Variants in KAZALD1 observed in about 807,000 individuals in gnomAD.
KAZALD1 encodes the protein kazal-type serine protease inhibitor domain-containing protein 1.
In KAZALD1, 31 loss-of-function variants were observed where a neutral mutation model predicts 27.7. That is an observed-to-expected ratio of 1.12 (90% CI 0.84 to 1.51). The LOEUF (loss-of-function observed/expected upper bound fraction) is 1.51, where lower values mean the gene tolerates loss of function less well. Among genes scored for constraint, KAZALD1 ranks in the 40% most tolerant of loss-of-function variants. The probability of loss-of-function intolerance (pLI) is 0.00; values close to 1 mark genes in which losing one functional copy is unlikely to be tolerated. For synonymous variants in KAZALD1, 179 were observed against 182.0 expected (o/e 0.98, Z 0.13); for missense variants, 444 against 408.9 (o/e 1.09, Z -0.74).
chr10:101,064,804 C>G, intron 4 of KAZALD1, 22 bp from the exon 5 acceptor site: 4 of 1,612,136 alleles, frequency 2.5e-6, no homozygotes, highest in Non-Finnish European at 3.4e-6. Flanking sequence ...GTTCTCTCTT[C>G]TTTGCCCATG....
chr10:101,063,050 G>A lies in KAZALD1; in HGVS notation c.458G>A (p.Arg153His). The A allele has an allele frequency of 6.3e-7, 1 of 1,583,632 alleles. No homozygotes were observed. Among genetic ancestry groups the A allele is most frequent in the South Asian group, 1.1e-5 (1 of 89,756 alleles). The change falls in exon 2 of 5, where the codon CGC (arginine) becomes CAC (histidine). Residue 153 changes from arginine (R) to histidine (H), a missense_variant. Coordinates refer to ENST00000370200, the MANE Select transcript of KAZALD1 (RefSeq NM_030929.5). The stretch of plus-strand genomic sequence containing the variant: ...ATCTGCCGCCTGCAGGAGGCGGCCC[G>A]CGCTCGGCCCGATGCCAACCTCACT... The part of the protein sequence containing the change: ...SQICRLQEAA[R>H]ARPDANLTVA...
At position 101,064,327 on chromosome 10, in the gene KAZALD1, G is replaced by A. The variant is rs997154434; in HGVS notation, c.578G>A (p.Cys193Tyr). The change falls in exon 3 of 5, where the codon TGT becomes TAT. Residue 193 changes from cysteine to tyrosine, a missense_variant. Transcript: ENST00000370200. The stretch of plus-strand genomic sequence containing the variant: ...ACAGGGCAGGATGTGATCTTTGGCT[G>A]TGAAGTGTTTGCCTACCCCATGGCC... Reference protein sequence around the residue: ...NVTGQDVIFGCEVFAYPMASI... With the variant: ...NVTGQDVIFGYEVFAYPMASI... 1 of 1,614,116 alleles carries A rather than the reference G, an allele frequency of 6.2e-7. No individual in the cohort carries two copies. The highest frequency in any genetic ancestry group is 1.3e-5 in the African/African-American group (1 of 74,938).
downstream of KAZALD1, chr10:101,067,662 G>C (rs1939360472): frequency 5.9e-6 from 2 of 338,608 alleles, no homozygotes; most frequent in Non-Finnish European, 1.2e-5. Flanking sequence ...CACCGCGAAG[G>C]CTCCAAAGAA....
At chr10:101,068,073 A>AGG (rs1414935027), downstream of KAZALD1, 6 of 455,718 alleles carry the variant, frequency 1.3e-5, no homozygotes, top group Admixed American at 7.5e-5. Context: ...GACCTGGGCC[A>AGG]GGGGCCTTGA....
rs1939195421 is a variant in KAZALD1, at chr10:101,062,766, A to G, written c.174A>G (p.Pro58=). The G allele has an allele frequency of 1.3e-6, 2 of 1,553,340 alleles. No individual in the cohort carries two copies. The highest frequency in any genetic ancestry group is 2.8e-5 in the African/African-American group (2 of 71,756). ...GCGAGGGCTGCGCTCCCTGCCGGCC[A>G]GAAGAGTGCGCCGCGCCGCGGGGCT... The part of the protein sequence containing the change: ...AEGEGCAPCR[P]EECAAPRGCL... The change falls in exon 2 of 5, where the codon CCA becomes CCG. Residue 58 remains proline, a synonymous_variant. Transcript: ENST00000370200.
Position 101,062,925 on chromosome 10 carries a change from C to G in KAZALD1, c.333C>G (p.Asp111Glu). The change falls in exon 2 of 5, where the codon GAC becomes GAG. Residue 111 changes from aspartate (D) to glutamate (E), a missense_variant. By Grantham distance (45) the Asp-to-Glu change is conservative (BLOSUM62 2). Transcript: ENST00000370200. ...HCGEQLECRL[D>E]TGGDLSRGEV... ...GCGAGCAGCTTGAGTGCCGGCTGGACACAGGCGGCGACCTGAGCCGCGGAG... is the reference window on the plus strand; with the variant it reads ...GCGAGCAGCTTGAGTGCCGGCTGGAGACAGGCGGCGACCTGAGCCGCGGAG... 2 of 1,602,772 alleles carry G rather than the reference C, an allele frequency of 1.2e-6. No individual in the cohort carries two copies. The highest frequency in any genetic ancestry group is 2.2e-5 in the East Asian group (1 of 44,846).
rs1939331149 is a variant in KAZALD1, at chr10:101,066,642, G to A, written c.*1722G>A. 5.2e-6 allele frequency: 2 copies of A among 387,890 alleles called. No individual in the cohort carries two copies. Among genetic ancestry groups the A allele is most frequent in the South Asian group, 3.7e-5 (2 of 54,134 alleles). The allele number at this position is 387,890 out of a possible 1,614,324, so 24.0% of individuals were successfully genotyped here. On this transcript the variant is annotated 3_prime_UTR_variant, in exon 5 of 5. Coordinates refer to ENST00000370200, the MANE Select transcript of KAZALD1 (RefSeq NM_030929.5). ...TGGGTGTGAGTCCCAGCATCAGCCA[G>A]GGAATCCGCCCCTAGCTTGTTCTTC...
chr10:101,065,211 G>T lies in KAZALD1; in HGVS notation c.*291G>T, dbSNP rs966480695. On this transcript the variant is annotated 3_prime_UTR_variant, in exon 5 of 5. Coordinates refer to ENST00000370200, the MANE Select transcript of KAZALD1 (RefSeq NM_030929.5). ...CCAACAGGTTGTTTCCCAGGCTGGGGTGGGGGCCTGAGCAGACACAGAGGT... is the reference window on the plus strand; with the variant it reads ...CCAACAGGTTGTTTCCCAGGCTGGGTTGGGGGCCTGAGCAGACACAGAGGT... The T allele has an allele frequency of 4.6e-5, 18 of 393,038 alleles. No homozygotes were observed. Among genetic ancestry groups the T allele is most frequent in the African/African-American group, 3.7e-4 (18 of 49,290 alleles). 24.3% of individuals were successfully genotyped at this position (393,038 alleles called of 1,614,324 possible). A position where few individuals can be genotyped will look rare whatever the true frequency, so the allele number is the denominator to read the frequency against.
rs1484992118 is a variant in KAZALD1 at position 101,065,585 on chromosome 10, T to G, written c.*665T>G. The G allele has an allele frequency of 6.5e-6, 1 of 152,878 alleles. No homozygotes were observed. Among genetic ancestry groups the G allele is most frequent in the East Asian group, 1.9e-4 (1 of 5,196 alleles). The allele number at this position is 152,878 out of a possible 1,614,324, so 9.5% of individuals were successfully genotyped here. ...AGGCACCAATAAAGATTTCTAATGA[T>G]GCACAGACAGTTTATGCAGATGTGC... On this transcript the variant is annotated 3_prime_UTR_variant, in exon 5 of 5. Coordinates refer to ENST00000370200, the MANE Select transcript of KAZALD1 (RefSeq NM_030929.5).
In KAZALD1 at chr10:101,066,199, G is replaced by A. The variant is rs560672267; in HGVS notation, c.*1279G>A. The A allele has an allele frequency of 2.2e-5, 7 of 316,324 alleles. No individual in the cohort carries two copies. Among genetic ancestry groups the A allele is most frequent in the Non-Finnish European group, 4.5e-5 (7 of 157,198 alleles). 19.6% of individuals were successfully genotyped at this position (316,324 alleles called of 1,614,324 possible). On this transcript the variant is annotated 3_prime_UTR_variant, in exon 5 of 5. Transcript: ENST00000370200. ...GAGGCCGAGGCGCTGTGTGTAGATGGCGACAGCCTCCTACACGCCAGGGCT... is the reference window on the plus strand; with the variant it reads ...GAGGCCGAGGCGCTGTGTGTAGATGACGACAGCCTCCTACACGCCAGGGCT...
At chr10:101,067,501 C>A, downstream of KAZALD1, 1 of 362,272 alleles carries the variant, frequency 2.8e-6, no homozygotes, top group Non-Finnish European at 5.5e-6. Context: ...GGGCTCTTCT[C>A]CCTGCTTTTA....
At position 101,062,535 on chromosome 10, in the gene KAZALD1, C is replaced by T; in HGVS notation, c.-51-7C>T. The T allele has an allele frequency of 6.5e-7, 1 of 1,540,494 alleles. No homozygotes were observed. The highest frequency in any genetic ancestry group is 8.7e-7 in the Non-Finnish European group (1 of 1,155,122). ...TGACCTCCTGACCTGGCTTCCCTTC[C>T]TGGCAGGGTGCCCGAACGCGCTGAT... is the stretch of plus-strand genomic sequence containing the variant. On this transcript the variant is annotated splice_polypyrimidine_tract_variant and splice_region_variant and intron_variant, in intron 1 of 4. Coordinates refer to ENST00000370200, the MANE Select transcript of KAZALD1 (RefSeq NM_030929.5).
chr10:101,063,200 A>T lies in KAZALD1; in HGVS notation c.511+97A>T, dbSNP rs1302405673. On this transcript the variant is annotated intron_variant, in intron 2 of 4. Transcript: ENST00000370200. ...CATTGGTCTCTGGCCAGCAGAGCAA[A>T]AAAGATAAGGCTATAGAGGCCTCGA... 5.5e-5 allele frequency: 63 copies of T among 1,135,878 alleles called. 2 individuals are homozygous for T. The South Asian group carries it at 9.6e-4, about 17-fold the overall frequency. 70.4% of individuals were successfully genotyped at this position (1,135,878 alleles called of 1,614,324 possible).
Position 101,062,781 on chromosome 10 carries a change from G to C in KAZALD1, c.189G>C (p.Ala63=), listed in dbSNP as rs1939196186. The change falls in exon 2 of 5, where the codon GCG becomes GCC. Residue 63 remains alanine (A), a synonymous_variant. Coordinates refer to ENST00000370200, the MANE Select transcript of KAZALD1 (RefSeq NM_030929.5). ...CCTGCCGGCCAGAAGAGTGCGCCGC[G>C]CCGCGGGGCTGCCTGGCGGGCAGGG... ...CAPCRPEECA[A]PRGCLAGRVR... is the part of the protein sequence containing the mutation. 1 of 1,555,302 alleles carries C rather than the reference G, an allele frequency of 6.4e-7. No homozygotes were observed.
At position 101,066,071 on chromosome 10, in the gene KAZALD1, G is replaced by A. The variant is rs540826763; in HGVS notation, c.*1151G>A. 6.6e-6 allele frequency among the ~76,000 whole-genome samples: 1 copy of A among 152,196 alleles called. No individual in the cohort carries two copies. The highest frequency in any genetic ancestry group is 2.4e-5 in the African/African-American group (1 of 41,440). ...TGTGACCTGTCCTCTCTGGCTTGGG[G>A]TCCCCAAATCTCTTTCCTCATTCTC... On this transcript the variant is annotated 3_prime_UTR_variant, in exon 5 of 5. Transcript: ENST00000370200.
In KAZALD1 at chr10:101,066,470, A is replaced by AG. The variant is rs1263871294; in HGVS notation, c.*1552dup. 1 of 456,536 alleles carries AG rather than the reference A, an allele frequency of 2.2e-6. No homozygotes were observed. The highest frequency in any genetic ancestry group is 4.4e-6 in the Non-Finnish European group (1 of 226,876). 28.3% of individuals were successfully genotyped at this position (456,536 alleles called of 1,614,324 possible). ...ACCCAGGCTGGAAGCGGGCGGCCCTAGGAGCCGCGCACAACAGCGCAAGCG... is the reference window on the plus strand; with the variant it reads ...ACCCAGGCTGGAAGCGGGCGGCCCTAGGGAGCCGCGCACAACAGCGCAAGCG... On this transcript the variant is annotated 3_prime_UTR_variant, in exon 5 of 5. Coordinates refer to ENST00000370200, the MANE Select transcript of KAZALD1 (RefSeq NM_030929.5).
rs1454928501 is a variant in KAZALD1, at chr10:101,065,217, G to T, written c.*297G>T. 2.7e-6 allele frequency: 1 copy of T among 376,262 alleles called. No homozygotes were observed. The highest frequency in any genetic ancestry group is 2.0e-5 in the African/African-American group (1 of 48,898). 23.3% of individuals were successfully genotyped at this position (376,262 alleles called of 1,614,324 possible). A position where few individuals can be genotyped will look rare whatever the true frequency, so the allele number is the denominator to read the frequency against. The stretch of plus-strand genomic sequence containing the variant: ...GGTTGTTTCCCAGGCTGGGGTGGGG[G>T]CCTGAGCAGACACAGAGGTGCAGGC... On this transcript the variant is annotated 3_prime_UTR_variant, in exon 5 of 5. Coordinates refer to ENST00000370200, the MANE Select transcript of KAZALD1 (RefSeq NM_030929.5).
Position 101,064,952 on chromosome 10 carries a change from G to A in KAZALD1, c.*32G>A, listed in dbSNP as rs778160871. The A allele has an allele frequency of 6.7e-7, 1 of 1,496,388 alleles. No homozygotes were observed. 92.7% of individuals were successfully genotyped at this position (1,496,388 alleles called of 1,614,324 possible). ...AGCTCTGGCCCATGGGGGTGGGTGA[G>A]CGGCTATAGTGTTCATCCCTGCTCT... On this transcript the variant is annotated 3_prime_UTR_variant, in exon 5 of 5. Transcript: ENST00000370200.
chr10:101,064,281 C>G lies in KAZALD1; in HGVS notation c.532C>G (p.Pro178Ala), dbSNP rs762630878. ...CCCAGGGCCCCAGATCGTGTCACAT[C>G]CATATGACACTTGGAATGTGACAGG... Reference protein sequence around the residue: ...CESGPQIVSHPYDTWNVTGQD... With the variant: ...CESGPQIVSHAYDTWNVTGQD... Residue 178 changes from proline (P) to alanine (A), a missense_variant, in exon 3 of 5, where the codon CCA (proline) becomes GCA (alanine). Transcript: ENST00000370200. The G allele has an allele frequency of 1.2e-6, 2 of 1,614,194 alleles. No homozygotes were observed. The highest frequency in any genetic ancestry group is 2.2e-5 in the South Asian group (2 of 91,080).
Sources: gnomAD v4.1 joint callset for allele counts (sites outside exome capture counted in the v4.1 genomes callset) on GRCh38, gnomAD v4.1.1 for gene constraint, MANE v1.5 for transcripts, NCBI Gene and HGNC (gene_info 2026-07-23, HGNC 2026-07-21) for gene names.